Variants in LRGUK observed in about 807,000 individuals in gnomAD.
LRGUK encodes the protein leucine-rich repeat and guanylate kinase domain-containing protein.
LRGUK carries 65 observed loss-of-function variants against 76.0 expected under a neutral mutation model. The observed-to-expected ratio is 0.85, with a 90% CI of 0.70 to 1.05. The LOEUF (loss-of-function observed/expected upper bound fraction) is 1.05, where lower values mean the gene tolerates loss of function less well. LRGUK is among the 50% of genes least tolerant of loss of function. LRGUK has a pLI of 0.00. For missense variants in LRGUK, 758 were observed against 732.8 expected (o/e 1.03, Z -0.40); for synonymous variants, 268 against 265.6 (o/e 1.01, Z -0.09).
At chr7:134,163,673 G>C in intron 7 of LRGUK, 133 bp downstream of exon 7, 1 of 745,326 alleles carries the variant, frequency 1.3e-6, no homozygotes, top group Non-Finnish European at 1.9e-6. Flanking sequence ...TATTGTTCTA[G>C]CAAAATTCCT....
At chr7:134,218,746 A>G (rs1346248185) in intron 15 of LRGUK, among the ~76,000 whole-genome samples, 1 of 152,176 alleles carries the variant, frequency 6.6e-6, no homozygotes, top group African/African-American at 2.4e-5. Context: ...TTTGTTGTTT[A>G]GGTTGGATTT....
rs1490810844 is a variant in LRGUK, at chr7:134,174,146, C to G, written c.940-410C>G. On this transcript the variant is annotated intron_variant, in intron 7 of 15. Transcript: ENST00000645682. ...AAGGCTTTAACCAGTCATAAATGAC[C>G]AGGGTAACAGAAGCAGGATTGGGGA... is the stretch of plus-strand genomic sequence containing the variant. Among the ~76,000 whole-genome samples, 9 of 150,366 alleles carry G rather than the reference C, an allele frequency of 6.0e-5. No homozygotes were observed. The Admixed American group carries it at 6.0e-4, about 10-fold the overall frequency.
At chr7:134,148,303 T>C (rs555705593) in exon 5 of LRGUK, 2 of 1,588,940 alleles carry the variant, frequency 1.3e-6, no homozygotes, top group East Asian at 4.5e-5. Context: ...ATGCTCTCAC[T>C]AAACTAATTT....
intron 15 of LRGUK, among the ~76,000 whole-genome samples, chr7:134,208,149 C>T (rs1036535879): frequency 2.4e-4 from 36 of 152,152 alleles, no homozygotes; most frequent in African/African-American, 8.2e-4. Context: ...TGATTCTGTC[C>T]GGCCGATTCT....
At chr7:134,127,703 C>T (rs532542039) in intron 1 of LRGUK, 39 bp downstream of exon 1, 280 of 1,571,766 alleles carry the variant, frequency 1.8e-4, no homozygotes, top group Non-Finnish European at 2.3e-4. Context: ...CTGGCTCCCT[C>T]GTCCAGCCCT....
chr7:134,237,617 T>C (rs893147515), intron 16 of LRGUK, among the ~76,000 whole-genome samples: 2 of 152,194 alleles, frequency 1.3e-5, no homozygotes, highest in African/African-American at 4.8e-5. Context: ...AGATAATCCA[T>C]GATTTCTTGT....
chr7:134,255,084 A>G (rs1239969117), intron 18 of LRGUK, among the ~76,000 whole-genome samples: 2 of 152,188 alleles, frequency 1.3e-5, no homozygotes, highest in African/African-American at 4.8e-5. Flanking sequence ...GTGGATAAAG[A>G]TAAGTCAATC....
intron 7 of LRGUK, among the ~76,000 whole-genome samples, chr7:134,171,142 T>C (rs1585485172): frequency 6.6e-6 from 1 of 152,068 alleles, no homozygotes; most frequent in Non-Finnish European, 1.5e-5. Context: ...AATCTTTTTT[T>C]TTTTTTCTTT....
intron 4 of LRGUK, among the ~76,000 whole-genome samples, chr7:134,146,044 G>A (rs567316037): frequency 1.1e-4 from 16 of 152,246 alleles, no homozygotes; most frequent in Admixed American, 7.2e-4. Context: ...AGGCTGACAC[G>A]GGTGGATCAC....
downstream of LRGUK, among the ~76,000 whole-genome samples, chr7:134,211,686 A>G (rs1272808643): frequency 6.6e-6 from 1 of 152,176 alleles, no homozygotes; most frequent in Non-Finnish European, 1.5e-5. Flanking sequence ...ATTATGCCAA[A>G]CCATCTGGTT....
intron 16 of LRGUK, among the ~76,000 whole-genome samples, chr7:134,232,468 T>C (rs1328600345): frequency 6.6e-6 from 1 of 152,048 alleles, no homozygotes; most frequent in African/African-American, 2.4e-5. Flanking sequence ...TTAGTAAAGA[T>C]GGGGTTTCAC....
intron 5 of LRGUK, among the ~76,000 whole-genome samples, chr7:134,152,799 G>C (rs899110531): frequency 1.3e-5 from 2 of 152,080 alleles, no homozygotes; most frequent in Non-Finnish European, 2.9e-5. Context: ...AGTATTGCTT[G>C]TACTAGTAAA....
At chr7:134,130,299 CA>C (rs1255662299) in intron 1 of LRGUK, among the ~76,000 whole-genome samples, 2 of 151,326 alleles carry the variant, frequency 1.3e-5, no homozygotes, top group African/African-American at 4.9e-5. Flanking sequence ...CCCCCCCCCC[CA>C]GAGGAATTCA....
At chr7:134,228,826 C>T (rs954847868) in intron 16 of LRGUK, among the ~76,000 whole-genome samples, 1 of 151,966 alleles carries the variant, frequency 6.6e-6, no homozygotes, top group East Asian at 1.9e-4. Flanking sequence ...ATTTTAATCT[C>T]TAGGATGATA....
intron 4 of LRGUK, among the ~76,000 whole-genome samples, chr7:134,145,726 G>A (rs1797941911): frequency 6.6e-6 from 1 of 152,158 alleles, no homozygotes; most frequent in Admixed American, 6.5e-5. Context: ...CAGTAAGTCA[G>A]GCTCATGTAC....
chr7:134,244,857 G>A (rs983449263), intron 16 of LRGUK, among the ~76,000 whole-genome samples: 2 of 152,136 alleles, frequency 1.3e-5, no homozygotes, highest in South Asian at 2.1e-4. Flanking sequence ...CATACACCAC[G>A]AATACTACGC....
At chr7:134,130,616 T>C (rs1385653553) in intron 1 of LRGUK, among the ~76,000 whole-genome samples, 1 of 152,256 alleles carries the variant, frequency 6.6e-6, no homozygotes, top group Non-Finnish European at 1.5e-5. Flanking sequence ...TGGAAATTCA[T>C]GTTCAGTGAT....
rs773635948 is a variant in LRGUK, at chr7:134,127,592, C to A, written c.225C>A (p.Asp75Glu). The A allele has an allele frequency of 6.2e-7, 1 of 1,614,204 alleles. No homozygotes were observed. Among genetic ancestry groups the A allele is most frequent in the Non-Finnish European group, 8.5e-7 (1 of 1,180,036 alleles). The change falls in exon 1 of 16, where the codon GAC becomes GAA. Residue 75 changes from aspartate to glutamate, a missense_variant. Coordinates refer to ENST00000645682, the Ensembl canonical transcript of LRGUK. ...ACCGCTATCAGGAGCTGGACTCGGA[C>A]GGAGATGAGGACCAGGGCGAGGGCG...
exon 7 of LRGUK, chr7:134,163,427 T>G: frequency 6.2e-7 from 1 of 1,613,732 alleles, no homozygotes; most frequent in South Asian, 1.1e-5. Context: ...GATCACAGGT[T>G]TGGAGGATCT....
Sources: allele counts gnomAD v4.1 joint callset (sites outside exome capture counted in the v4.1 genomes callset), GRCh38; gene constraint gnomAD v4.1.1; transcripts MANE v1.5; gene names NCBI Gene and HGNC (gene_info 2026-07-23, HGNC 2026-07-21).